CTBS: variants seen among roughly 807,000 people sequenced by gnomAD.
CTBS encodes the protein di-N-acetylchitobiase.
CTBS carries 35 observed loss-of-function variants against 44.3 expected under a neutral mutation model. The observed-to-expected ratio is 0.79, with a 90% CI of 0.60 to 1.05. The LOEUF (loss-of-function observed/expected upper bound fraction) is 1.05. CTBS is among the 50% of genes least tolerant of loss of function. CTBS has a pLI of 0.00. For synonymous variants in CTBS, 143 were observed against 168.0 expected, an observed-to-expected ratio of 0.85 and a Z score of 1.15; for missense variants, 458 against 475.3, an observed-to-expected ratio of 0.96 and a Z score of 0.34.
intron 3 of CTBS, among the ~76,000 whole-genome samples, chr1:84,566,571 A>G (rs1167622256): frequency 6.6e-6 from 1 of 152,202 alleles, no homozygotes; most frequent in African/African-American, 2.4e-5. Flanking sequence ...TCAAGTCAAA[A>G]TGTTGAATAA....
chr1:84,559,606 A>G (rs887418773), intron 6 of CTBS, among the ~76,000 whole-genome samples: 1 of 152,134 alleles, frequency 6.6e-6, no homozygotes, highest in African/African-American at 2.4e-5. Context: ...TGGGTGACGG[A>G]GCGATACTCC....
intron 6 of CTBS, among the ~76,000 whole-genome samples, chr1:84,562,586 G>A (rs1337082111): frequency 2.6e-5 from 4 of 152,134 alleles, no homozygotes; most frequent in African/African-American, 9.7e-5. Context: ...TTTGTACTTA[G>A]ATTTTTGAGC....
intron 4 of CTBS, among the ~76,000 whole-genome samples, chr1:84,565,215 A>G (rs550936919): frequency 3.3e-4 from 50 of 152,224 alleles, no homozygotes; most frequent in African/African-American, 1.2e-3. Flanking sequence ...TAAAAATTAA[A>G]AAAAAAAACA....
Position 84,574,302 on chromosome 1 carries a change from C to A in CTBS, c.114G>T (p.Gly38=). The stretch of plus-strand genomic sequence containing the variant: ...CAGGCTCCGGGCATGGGCAGTCGGT[C>A]CCGGCCGCGAGCCGCAGCGCCAGCA... ...LALLALRLAA[G]TDCPCPEPEL... The change falls in exon 1 of 7, where the codon GGG becomes GGT. Residue 38 remains glycine (G), a synonymous_variant. Transcript: ENST00000370630. The A allele has an allele frequency of 6.4e-7, 1 of 1,563,834 alleles. No homozygotes were observed. The highest frequency in any genetic ancestry group is 1.2e-5 in the South Asian group (1 of 85,636).
At chr1:84,572,437 T>TA (rs563827329) in intron 1 of CTBS, among the ~76,000 whole-genome samples, 5,375 of 141,062 alleles carry the variant, frequency 0.038, 319 homozygotes, top group African/African-American at 0.13. Context: ...CAGATATCCT[T>TA]AAAAAAAAAA....
chr1:84,569,386 T>C (rs1389498227), intron 3 of CTBS, among the ~76,000 whole-genome samples: 2 of 152,176 alleles, frequency 1.3e-5, no homozygotes, highest in Admixed American at 1.3e-4. Context: ...GGGTTCACAT[T>C]ATCCTCTGTT....
In CTBS at chr1:84,560,098, AAAGAAAGAAAG is replaced by A. The variant is rs1391701535; in HGVS notation, c.957+3148_957+3158del. ...GACTCTGTCTCAAAAAAAAAAAAAA[AAAGAAAGAAAG>A]AAAGAAAGAAAGAAAGAAAGAAAGG... On this transcript the variant is annotated intron_variant, in intron 6 of 6. Coordinates refer to ENST00000370630, the MANE Select transcript of CTBS (RefSeq NM_004388.3). 4.4e-3 allele frequency among the ~76,000 whole-genome samples: 151 copies of A among 34,108 alleles called. 1 individual carries two copies. Among genetic ancestry groups the A allele is most frequent in the East Asian group, 0.035 (15 of 424 alleles). 22.4% of individuals were successfully genotyped at this position (34,108 alleles called of 152,430 possible). A position where few individuals can be genotyped will look rare whatever the true frequency, so the allele number is the denominator to read the frequency against.
In CTBS at chr1:84,550,665, A is replaced by AAG; in HGVS notation, c.*4332_*4333dup. ...TATTAAAATTGTTACCTTAACAGTA[A>AAG]AGAGCATAGGTGAAAAAAAAAATGC... On this transcript the variant is annotated 3_prime_UTR_variant, in exon 7 of 7. Transcript: ENST00000370630. 4.0e-6 allele frequency: 5 copies of AAG among 1,250,748 alleles called. No individual in the cohort carries two copies. The highest frequency in any genetic ancestry group is 5.1e-6 in the Non-Finnish European group (5 of 988,932). 77.5% of individuals were successfully genotyped at this position (1,250,748 alleles called of 1,614,324 possible).
At position 84,570,110 on chromosome 1, in the gene CTBS, G is replaced by GATC; in HGVS notation, c.343_345dup (p.Asp115dup). On this transcript the variant is annotated inframe_insertion, in exon 3 of 7. Coordinates refer to ENST00000370630, the MANE Select transcript of CTBS (RefSeq NM_004388.3). ...GCTATCCAGGATGCTCTGAAAGCAG[G>GATC]ATCAATGATATCCTTTAAGGATACA... is the stretch of plus-strand genomic sequence containing the variant. 6.2e-7 allele frequency: 1 copy of GATC among 1,613,186 alleles called. No individual in the cohort carries two copies. Among genetic ancestry groups the GATC allele is most frequent in the Non-Finnish European group, 8.5e-7 (1 of 1,179,654 alleles).
At chr1:84,566,056 T>C in intron 3 of CTBS, 44 bp from the exon 4 acceptor site, 4 of 1,203,302 alleles carry the variant, frequency 3.3e-6, no homozygotes, top group Non-Finnish European at 4.4e-6. Context: ...TGATCACGTG[T>C]GCATATTACG....
intron 6 of CTBS, among the ~76,000 whole-genome samples, chr1:84,558,688 G>A (rs1310794118): frequency 6.6e-6 from 1 of 151,654 alleles, no homozygotes; most frequent in Non-Finnish European, 1.5e-5. Flanking sequence ...ATCACTTGAG[G>A]CCAGGAGTTC....
chr1:84,552,603 C>G lies in CTBS; in HGVS notation c.*2396G>C, dbSNP rs572294248. On this transcript the variant is annotated 3_prime_UTR_variant, in exon 7 of 7. Transcript: ENST00000370630. ...AATACACTTAGAAGAGTGCTTGCCA[C>G]AGAGTAAACACTATATTTCTGAAAT... is the stretch of plus-strand genomic sequence containing the variant. The G allele has an allele frequency of 1.3e-5, 2 of 152,888 alleles. No individual in the cohort carries two copies. The highest frequency in any genetic ancestry group is 3.8e-4 in the East Asian group (2 of 5,200). 9.5% of individuals were successfully genotyped at this position (152,888 alleles called of 1,614,324 possible). A position where few individuals can be genotyped will look rare whatever the true frequency, so the allele number is the denominator to read the frequency against.
chr1:84,556,872 G>C (rs1684446940), intron 6 of CTBS, among the ~76,000 whole-genome samples: 1 of 152,108 alleles, frequency 6.6e-6, no homozygotes, highest in African/African-American at 2.4e-5. Context: ...ACAAAGCCAT[G>C]CATGCCCTAG....
chr1:84,568,405 G>A (rs1475101123), intron 3 of CTBS, among the ~76,000 whole-genome samples: 2 of 152,134 alleles, frequency 1.3e-5, no homozygotes, highest in Non-Finnish European at 2.9e-5. Flanking sequence ...GTACTCTCCT[G>A]ACAAGTTGAA....
At chr1:84,570,820 G>GTGTA in intron 1 of CTBS, 100 bp from the exon 2 acceptor site, 2 of 1,186,726 alleles carry the variant, frequency 1.7e-6, no homozygotes, top group Non-Finnish European at 2.4e-6. Context: ...AAACACTATG[G>GTGTA]TGGCAGTGAG....
In CTBS at chr1:84,553,136, T is replaced by A; in HGVS notation, c.*1863A>T. On this transcript the variant is annotated 3_prime_UTR_variant, in exon 7 of 7. Transcript: ENST00000370630. Reference sequence around the variant, plus strand: ...ACAATCTCAATTAGGTATGTTAATTTAAAACTTTTATTTGTAAAAAAATTT... The same window carrying A: ...ACAATCTCAATTAGGTATGTTAATTAAAAACTTTTATTTGTAAAAAAATTT... 1 of 1,393,424 alleles carries A rather than the reference T, an allele frequency of 7.2e-7. No homozygotes were observed. The highest frequency in any genetic ancestry group is 9.6e-7 in the Non-Finnish European group (1 of 1,036,908). 86.3% of individuals were successfully genotyped at this position (1,393,424 alleles called of 1,614,324 possible). A position where few individuals can be genotyped will look rare whatever the true frequency, so the allele number is the denominator to read the frequency against.
chr1:84,569,909 C>A (rs147024168), intron 3 of CTBS, 22 bp downstream of exon 3: 49,042 of 1,597,506 alleles, frequency 0.031, 1,003 homozygotes, highest in Admixed American at 0.089. Context: ...ATGAGGTTTC[C>A]AAAAAATAAA....
At chr1:84,558,571 G>A (rs1415236043) in intron 6 of CTBS, among the ~76,000 whole-genome samples, 14 of 150,382 alleles carry the variant, frequency 9.3e-5, no homozygotes, top group African/African-American at 2.9e-4. Context: ...GATTACAGGC[G>A]TGAGCCACCG....
chr1:84,570,155 A>G lies in CTBS; in HGVS notation c.317-16T>C, dbSNP rs376004232. On this transcript the variant is annotated splice_polypyrimidine_tract_variant and intron_variant, in intron 2 of 6. Coordinates refer to ENST00000370630, the MANE Select transcript of CTBS (RefSeq NM_004388.3). ...GATACATCTCCTGTGGAAGAAGTAT[A>G]TATCTTTTGAACATGTATGCAAAAA... The G allele has an allele frequency of 8.8e-6, 14 of 1,594,238 alleles. No individual in the cohort carries two copies. The African/African-American group carries it at 1.5e-4, about 17-fold the overall frequency.
Sources: allele counts gnomAD v4.1 joint callset (sites outside exome capture counted in the v4.1 genomes callset), GRCh38; gene constraint gnomAD v4.1.1; transcripts MANE v1.5; gene names NCBI Gene and HGNC (gene_info 2026-07-23, HGNC 2026-07-21).